DCDC1: variants seen among roughly 807,000 people sequenced by gnomAD.
DCDC1 encodes the protein doublecortin domain-containing protein 1.
DCDC1 carries 200 observed loss-of-function variants against 178.3 expected under a neutral mutation model. The observed-to-expected ratio is 1.12, with a 90% CI of 1.00 to 1.26. DCDC1 has a LOEUF of 1.26. Ranked by LOEUF, DCDC1 falls within the 50% of genes most tolerant of loss-of-function variation. DCDC1 has a pLI of 0.00. For missense variants in DCDC1, 1,983 were observed against 1,749.2 expected (o/e 1.13, Z -2.38); for synonymous variants, 690 against 604.8 (o/e 1.14, Z -2.07).
chr11:31,241,486 G>A lies in DCDC1; in HGVS notation c.1185C>T (p.Tyr395=), dbSNP rs1977128177. 1 of 397,262 alleles carries A rather than the reference G, an allele frequency of 2.5e-6. No individual in the cohort carries two copies. Among genetic ancestry groups the A allele is most frequent in the African/African-American group, 2.1e-5 (1 of 48,462 alleles). The allele number at this position is 397,262 out of a possible 1,614,324, so 24.6% of individuals were successfully genotyped here. ...ATTTTTTTGCAGACTTTAATCGTTG[G>A]TACAGGGCCAAAAGAACTCCTTGGA... is the stretch of plus-strand genomic sequence containing the variant. The part of the protein sequence containing the change: ...MYIQGVLLAL[Y]QRLKSAKKYY... Residue 395 remains tyrosine (Y), a synonymous_variant, in exon 9 of 39, where the codon TAC becomes TAT. Transcript: ENST00000684477.
intron 15 of DCDC1, among the ~76,000 whole-genome samples, chr11:31,098,229 CCATGAAGT>C (rs1376868375): frequency 6.6e-6 from 1 of 152,144 alleles, no homozygotes; most frequent in Admixed American, 6.5e-5. Flanking sequence ...ATATTAACTA[CCATGAAGT>C]TTAAATCTCA....
intron 9 of DCDC1, among the ~76,000 whole-genome samples, chr11:31,214,116 A>C (rs570189639): frequency 3.1e-4 from 41 of 132,838 alleles, no homozygotes; most frequent in African/African-American, 9.9e-4. Context: ...CATTGTAAAA[A>C]GTTTTTTTTA....
intron 9 of DCDC1, among the ~76,000 whole-genome samples, chr11:31,240,711 G>A (rs562115745): frequency 3.9e-5 from 6 of 152,024 alleles, no homozygotes; most frequent in Admixed American, 6.6e-5. Flanking sequence ...CATGTGCTTC[G>A]ATTCTTAAAA....
At chr11:31,125,882 T>G (rs1363930154) in intron 11 of DCDC1, among the ~76,000 whole-genome samples, 2 of 151,762 alleles carry the variant, frequency 1.3e-5, no homozygotes, top group Non-Finnish European at 2.9e-5. Flanking sequence ...TGGCACACGT[T>G]TACAAACCTG....
intron 20 of DCDC1, among the ~76,000 whole-genome samples, chr11:31,007,842 T>C (rs969355397): frequency 6.6e-5 from 10 of 152,014 alleles, no homozygotes; most frequent in Non-Finnish European, 1.2e-4. Flanking sequence ...TTTGTATTTT[T>C]AGTAGAGACA....
chr11:31,056,633 T>C (rs1223595142), intron 20 of DCDC1, among the ~76,000 whole-genome samples: 1 of 151,944 alleles, frequency 6.6e-6, no homozygotes, highest in Non-Finnish European at 1.5e-5. Flanking sequence ...ATAAAACAAT[T>C]CCAAAATTGT....
At chr11:31,343,204 A>G (rs1049565239) in intron 1 of DCDC1, among the ~76,000 whole-genome samples, 1 of 152,044 alleles carries the variant, frequency 6.6e-6, no homozygotes, top group African/African-American at 2.4e-5. Context: ...CCTAGCTAGG[A>G]CTACTTGGTA....
chr11:30,959,398 G>A (rs1231525620), intron 20 of DCDC1, among the ~76,000 whole-genome samples: 1 of 152,086 alleles, frequency 6.6e-6, no homozygotes, highest in Non-Finnish European at 1.5e-5. Flanking sequence ...CTGTTCACAT[G>A]TTCAGTGAAG....
At chr11:31,265,751 AAG>A in intron 7 of DCDC1, 151 bp from the exon 8 acceptor site, 1 of 345,262 alleles carries the variant, frequency 2.9e-6, no homozygotes, top group Non-Finnish European at 5.1e-6. Flanking sequence ...TGAAATTTAA[AAG>A]CAGTTAAAAT....
chr11:30,963,878 C>T (rs1479136494), intron 20 of DCDC1, among the ~76,000 whole-genome samples: 2 of 152,072 alleles, frequency 1.3e-5, no homozygotes, highest in Non-Finnish European at 2.9e-5. Context: ...CATTTTACTG[C>T]TTTTTCTGCT....
At chr11:31,303,116 T>A (rs1046589231) in intron 6 of DCDC1, among the ~76,000 whole-genome samples, 1 of 152,156 alleles carries the variant, frequency 6.6e-6, no homozygotes, top group South Asian at 2.1e-4. Context: ...AAATTTTGAT[T>A]TAATTGCATT....
chr11:30,922,567 G>T lies in DCDC1; in HGVS notation c.3069C>A (p.Phe1023Leu). Residue 1023 changes from phenylalanine to leucine, a missense_variant, in exon 24 of 39, where the codon TTC (phenylalanine) becomes TTA (leucine). Phe to Leu is a conservative substitution (Grantham distance 22, BLOSUM62 0). Transcript: ENST00000684477. ...LSIAQQKKQI[F>L]LRNLESDIAK... Reference sequence around the variant, plus strand: ...CAATGTCTGATTCTAGGTTCCTCAGGAATATTTGTTTCTTTTGCTGAGCAA... The same window carrying T: ...CAATGTCTGATTCTAGGTTCCTCAGTAATATTTGTTTCTTTTGCTGAGCAA... 6.3e-7 allele frequency: 1 copy of T among 1,587,334 alleles called. No homozygotes were observed. Among genetic ancestry groups the T allele is most frequent in the Non-Finnish European group, 8.5e-7 (1 of 1,170,662 alleles).
rs533380183 is a variant in DCDC1, at chr11:30,894,310, C to T, written c.4840G>A (p.Gly1614Arg). The change falls in exon 35 of 39, where the codon GGA becomes AGA. Residue 1614 changes from glycine (G) to arginine (R), a missense_variant. Gly to Arg is a moderately radical substitution (Grantham distance 125). Coordinates refer to ENST00000684477, the MANE Select transcript of DCDC1 (RefSeq NM_001387274.1). Reference protein sequence around the residue: ...KSPVQPVVVEGGWTEQTQQEI... With the variant: ...KSPVQPVVVERGWTEQTQQEI... The stretch of plus-strand genomic sequence containing the variant: ...TGTTGAGTCTGTTCGGTCCAGCCTC[C>T]TTCAACCACCACGGGCTGCACAGGG... 2 of 1,613,896 alleles carry T rather than the reference C, an allele frequency of 1.2e-6. No homozygotes were observed. The highest frequency in any genetic ancestry group is 2.7e-5 in the African/African-American group (2 of 75,056).
At chr11:31,121,851 T>C (rs1020826601) in intron 11 of DCDC1, among the ~76,000 whole-genome samples, 1 of 152,108 alleles carries the variant, frequency 6.6e-6, no homozygotes, top group African/African-American at 2.4e-5. Context: ...CTTTCTAAGA[T>C]TAAAATGAAC....
At chr11:31,287,911 T>G (rs947489429) in intron 7 of DCDC1, among the ~76,000 whole-genome samples, 38 of 151,390 alleles carry the variant, frequency 2.5e-4, no homozygotes, top group Non-Finnish European at 4.4e-4. Context: ...ACAGCGTTTT[T>G]TTTTTTTTTA....
At chr11:31,329,564 A>G (rs1949851781) in intron 2 of DCDC1, among the ~76,000 whole-genome samples, 1 of 151,990 alleles carries the variant, frequency 6.6e-6, no homozygotes, top group South Asian at 2.1e-4. Context: ...CCCACCCCAC[A>G]ACAGGCTCTG....
In DCDC1 at chr11:31,082,848, C is replaced by T. The variant is rs955533756; in HGVS notation, c.2238-4923G>A. Among the ~76,000 whole-genome samples the T allele has an allele frequency of 4.6e-5, 7 of 152,084 alleles. No individual in the cohort carries two copies. In the South Asian group the frequency reaches 1.2e-3, roughly 27 times the overall value. On this transcript the variant is annotated intron_variant, in intron 17 of 38. Transcript: ENST00000684477. ...GGCTCTGGTGTCTACCAATGCTACC[C>T]GGGCCAAAAGTAGAATGCACGTAGA... is the stretch of plus-strand genomic sequence containing the variant.
chr11:31,172,572 A>C (rs1304314477), intron 9 of DCDC1, among the ~76,000 whole-genome samples: 1 of 152,322 alleles, frequency 6.6e-6, no homozygotes, highest in East Asian at 1.9e-4. Flanking sequence ...ATTTAGTAAC[A>C]GCCTACTCTT....
chr11:31,089,364 CT>C (rs1957663505), intron 17 of DCDC1, among the ~76,000 whole-genome samples: 1 of 152,106 alleles, frequency 6.6e-6, no homozygotes, highest in Non-Finnish European at 1.5e-5. Context: ...TTAAGATTTT[CT>C]CTTTATCACT....
Sources: allele counts gnomAD v4.1 joint callset (sites outside exome capture counted in the v4.1 genomes callset), GRCh38; gene constraint gnomAD v4.1.1; transcripts MANE v1.5; gene names NCBI Gene and HGNC (gene_info 2026-07-23, HGNC 2026-07-21).